GLIS3: variants seen among roughly 807,000 people sequenced by gnomAD.
GLIS3 encodes zinc finger protein GLIS3.
Under a neutral mutation model 78.6 loss-of-function variants are expected in GLIS3, and 53 were observed. The observed-to-expected ratio is 0.67, with a 90% CI of 0.54 to 0.85. The LOEUF (loss-of-function observed/expected upper bound fraction) is 0.85, where lower values mean the gene tolerates loss of function less well. Among genes scored for constraint, GLIS3 ranks in the 40% least tolerant of loss-of-function variants. GLIS3 has a pLI of 0.00. For missense variants in GLIS3, 1,703 were observed against 1,231.1 expected, an observed-to-expected ratio of 1.38 and a Z score of -5.74; for synonymous variants, 684 against 509.9, an observed-to-expected ratio of 1.34 and a Z score of -4.60.
At chr9:4,131,173 G>A (rs1394875507) in intron 2 of GLIS3, among the ~76,000 whole-genome samples, 1 of 152,174 alleles carries the variant, frequency 6.6e-6, no homozygotes, top group African/African-American at 2.4e-5. Context: ...TATCTTAGCA[G>A]TAATTAACTT....
At chr9:4,179,386 C>T (rs1472704237) in intron 2 of GLIS3, among the ~76,000 whole-genome samples, 1 of 152,066 alleles carries the variant, frequency 6.6e-6, no homozygotes, top group Admixed American at 6.6e-5. Flanking sequence ...GCGAGTAATC[C>T]CCAGCTTTCA....
At chr9:4,413,244 T>C in the GLIS3 span, among the ~76,000 whole-genome samples, 1 of 152,176 alleles carries the variant, frequency 6.6e-6, no homozygotes, top group Non-Finnish European at 1.5e-5. Flanking sequence ...TCAGGGTTGT[T>C]GGGAAGAATT....
chr9:3,877,418 G>A (rs1275104117), intron 8 of GLIS3, among the ~76,000 whole-genome samples: 1 of 152,182 alleles, frequency 6.6e-6, no homozygotes, highest in Non-Finnish European at 1.5e-5. Flanking sequence ...GCATAGAACT[G>A]TTTTTAAAAA....
chr9:3,839,424 G>C (rs1002565486), intron 9 of GLIS3, among the ~76,000 whole-genome samples: 102 of 152,110 alleles, frequency 6.7e-4, no homozygotes, highest in African/African-American at 2.3e-3. Flanking sequence ...AAAATATTTT[G>C]GTTAGTGTTA....
chr9:3,928,463 A>G (rs2130763253), intron 6 of GLIS3, among the ~76,000 whole-genome samples: 1 of 152,328 alleles, frequency 6.6e-6, no homozygotes, highest in African/African-American at 2.4e-5. Flanking sequence ...AGGAAAATAC[A>G]TATTTTCACA....
chr9:4,032,855 C>CT (rs537474142), intron 4 of GLIS3, among the ~76,000 whole-genome samples: 10,821 of 145,874 alleles, frequency 0.074, 558 homozygotes, highest in African/African-American at 0.15. Context: ...ATTGAGAATT[C>CT]TTTTTTTTTT....
At chr9:4,416,402 T>C in the GLIS3 span, among the ~76,000 whole-genome samples, 1 of 151,426 alleles carries the variant, frequency 6.6e-6, no homozygotes, top group Admixed American at 6.6e-5. Flanking sequence ...GAAAACAAAA[T>C]ACAGTAATAT....
the GLIS3 span, among the ~76,000 whole-genome samples, chr9:4,360,485 A>G: frequency 6.6e-6 from 1 of 152,172 alleles, no homozygotes; most frequent in African/African-American, 2.4e-5. Flanking sequence ...CGTTTCAATA[A>G]CTGCTAACAT....
intron 4 of GLIS3, among the ~76,000 whole-genome samples, chr9:4,023,987 A>T (rs1556989): frequency 0.32 from 49,131 of 151,568 alleles, 9,870 homozygotes; most frequent in East Asian, 0.72. Context: ...GAGTAAGACC[A>T]TGTTTCATTC....
rs149188348 is a variant in GLIS3 at position 4,334,891 on chromosome 9, A to T, written n.264+12190T>A. ...ACAATAAGAGCAGCTCTCAGAAGAG[A>T]AATCATTTCCACCTTTTTTTTTTTT... is the stretch of plus-strand genomic sequence containing the variant. On this transcript the variant is annotated intron_variant and non_coding_transcript_variant, in intron 2 of 4. Coordinates refer to the GLIS3 transcript ENST00000471664. Among the ~76,000 whole-genome samples, 32 of 150,406 alleles carry T rather than the reference A, an allele frequency of 2.1e-4. No individual in the cohort carries two copies. In the East Asian group the frequency reaches 3.1e-3, roughly 15 times the overall value.
Position 3,926,481 on chromosome 9 carries a change from C to T in GLIS3, c.1983+5879G>A, listed in dbSNP as rs185913661. ...TCCTGACCTCATGATCCGCCTGTCT[C>T]GGTCTCCCAAAGTGCTGGGATTACA... On this transcript the variant is annotated intron_variant, in intron 6 of 10. Transcript: ENST00000381971. 8.0e-4 allele frequency among the ~76,000 whole-genome samples: 122 copies of T among 152,238 alleles called. No individual in the cohort carries two copies. In the East Asian group the frequency reaches 0.019, roughly 23 times the overall value.
At chr9:4,443,029 A>C in the GLIS3 span, among the ~76,000 whole-genome samples, 2 of 152,120 alleles carry the variant, frequency 1.3e-5, no homozygotes, top group African/African-American at 4.8e-5. Flanking sequence ...CTCCCAAGTC[A>C]AGCATTTGCC....
At position 4,165,412 on chromosome 9, in the gene GLIS3, G is replaced by A. The variant is rs569620289; in HGVS notation, c.389-39471C>T. Among the ~76,000 whole-genome samples the A allele has an allele frequency of 5.3e-5, 8 of 152,328 alleles. 1 individual carries two copies. Among genetic ancestry groups the A allele is most frequent in the African/African-American group, 1.9e-4 (8 of 41,578 alleles). On this transcript the variant is annotated intron_variant, in intron 2 of 10. Coordinates refer to ENST00000381971, the MANE Select transcript of GLIS3 (RefSeq NM_001042413.2). ...GCCGAGACCATGCCATTGCACTCCA[G>A]CCTAGGCAACAGGAGCGAAACTCCG...
upstream of GLIS3, among the ~76,000 whole-genome samples, chr9:4,352,117 T>C (rs931999791): frequency 6.6e-6 from 1 of 152,214 alleles, no homozygotes; most frequent in African/African-American, 2.4e-5. Flanking sequence ...GAAAAGTAGA[T>C]TTCTGTTATT....
intron 8 of GLIS3, among the ~76,000 whole-genome samples, chr9:3,871,909 C>T (rs1039631857): frequency 6.6e-6 from 1 of 152,186 alleles, no homozygotes; most frequent in African/African-American, 2.4e-5. Context: ...AATGCATTGC[C>T]AGGCTGCAAA....
At chr9:3,845,758 C>G (rs1409282186) in intron 9 of GLIS3, among the ~76,000 whole-genome samples, 1 of 152,194 alleles carries the variant, frequency 6.6e-6, no homozygotes, top group East Asian at 1.9e-4. Context: ...CACCCACACA[C>G]ACACACAGTG....
chr9:4,263,029 G>A (rs933558060), intron 2 of GLIS3, among the ~76,000 whole-genome samples: 5 of 151,920 alleles, frequency 3.3e-5, no homozygotes, highest in African/African-American at 1.2e-4. Flanking sequence ...AAAAGGCAAG[G>A]CTAGAATGTT....
intron 4 of GLIS3, among the ~76,000 whole-genome samples, chr9:3,954,182 G>C (rs951969133): frequency 1.3e-5 from 2 of 152,076 alleles, no homozygotes; most frequent in Non-Finnish European, 2.9e-5. Context: ...TCTCTATTAA[G>C]GGTGCTAAAA....
At chr9:3,873,897 G>C (rs1821133180) in intron 8 of GLIS3, among the ~76,000 whole-genome samples, 1 of 152,092 alleles carries the variant, frequency 6.6e-6, no homozygotes, top group Non-Finnish European at 1.5e-5. Context: ...AAAAATAATT[G>C]TTCCTCATAT....
Sources: gnomAD v4.1 joint callset for allele counts (sites outside exome capture counted in the v4.1 genomes callset) on GRCh38, gnomAD v4.1.1 for gene constraint, MANE v1.5 for transcripts, NCBI Gene and HGNC (gene_info 2026-07-23, HGNC 2026-07-21) for gene names.